Variants in SNTG1 observed in about 807,000 individuals in gnomAD.
The protein encoded by SNTG1 is gamma-1-syntrophin.
A neutral mutation model predicts 74.7 loss-of-function variants in SNTG1; 39 were observed. The ratio of observed to expected loss-of-function variants is 0.52; its 90% CI spans 0.40 to 0.68. The LOEUF (loss-of-function observed/expected upper bound fraction) is 0.68. Ranked by LOEUF, SNTG1 falls within the 30% of genes least tolerant of loss-of-function variation. The pLI is 0.00. For missense variants in SNTG1, 685 were observed against 609.5 expected, an observed-to-expected ratio of 1.12 and a Z score of -1.30; for synonymous variants, 254 against 217.1, an observed-to-expected ratio of 1.17 and a Z score of -1.49.
intron 2 of SNTG1, among the ~76,000 whole-genome samples, chr8:50,180,551 G>A (rs1421052665): frequency 6.6e-6 from 1 of 152,066 alleles, no homozygotes; most frequent in East Asian, 1.9e-4. Flanking sequence ...TTTATTCTAT[G>A]TGAATTTTAC....
intron 1 of SNTG1, among the ~76,000 whole-genome samples, chr8:50,100,528 C>G (rs1016511562): frequency 2.0e-5 from 3 of 151,960 alleles, no homozygotes; most frequent in Non-Finnish European, 2.9e-5. Context: ...CACTATGTAT[C>G]TGATAAATTT....
chr8:50,517,616 C>CAAA (rs1161724778), intron 9 of SNTG1, among the ~76,000 whole-genome samples: 1,034 of 62,274 alleles, frequency 0.017, 29 homozygotes, highest in East Asian at 0.05. Context: ...AAATGGAAAG[C>CAAA]AAAAAAAAAA....
intron 9 of SNTG1, among the ~76,000 whole-genome samples, chr8:50,529,002 A>G (rs892077829): frequency 6.6e-6 from 1 of 151,672 alleles, no homozygotes; most frequent in East Asian, 1.9e-4. Flanking sequence ...CATTAAGTTT[A>G]TACCTACCTT....
chr8:50,047,886 G>C (rs866599798), intron 1 of SNTG1, among the ~76,000 whole-genome samples: 6 of 152,120 alleles, frequency 3.9e-5, no homozygotes, highest in Non-Finnish European at 5.9e-5. Flanking sequence ...CAAATTTGGT[G>C]AATCCTGAGT....
intron 2 of SNTG1, among the ~76,000 whole-genome samples, chr8:50,268,178 T>G (rs1444276199): frequency 6.6e-6 from 1 of 152,142 alleles, no homozygotes; most frequent in East Asian, 1.9e-4. Context: ...ACAGGAAAAT[T>G]ATTTGGTAAA....
intron 15 of SNTG1, among the ~76,000 whole-genome samples, chr8:50,680,404 T>G (rs1490518638): frequency 6.6e-6 from 1 of 152,222 alleles, no homozygotes; most frequent in African/African-American, 2.4e-5. Context: ...TAGGGGCATA[T>G]AGCTGATGAA....
chr8:50,594,873 A>G (rs928418720), intron 13 of SNTG1, among the ~76,000 whole-genome samples: 1 of 152,144 alleles, frequency 6.6e-6, no homozygotes, highest in Non-Finnish European at 1.5e-5. Context: ...TAAGAACAGT[A>G]AGCTTTGTGG....
intron 1 of SNTG1, among the ~76,000 whole-genome samples, chr8:50,096,917 T>C (rs756670684): frequency 3.3e-5 from 5 of 152,282 alleles, no homozygotes; most frequent in South Asian, 2.1e-4. Context: ...AAAAGTAGCA[T>C]AATCACTGCA....
Position 50,383,611 on chromosome 8 carries a change from C to T in SNTG1, c.-27-10601C>T, listed in dbSNP as rs553097548. Among the ~76,000 whole-genome samples the T allele has an allele frequency of 2.0e-5, 3 of 152,242 alleles. No homozygotes were observed. In the South Asian group the frequency reaches 6.2e-4, roughly 32 times the overall value. The stretch of plus-strand genomic sequence containing the variant: ...ACTACCCATTCCTTATTCCTTGTGT[C>T]CTCAGCAAACACCTCAGCTGGTCAT... On this transcript the variant is annotated intron_variant, in intron 2 of 18. Transcript: ENST00000642720.
At chr8:50,563,821 A>G (rs2094501072) in intron 12 of SNTG1, among the ~76,000 whole-genome samples, 1 of 152,096 alleles carries the variant, frequency 6.6e-6, no homozygotes, top group East Asian at 1.9e-4. Context: ...ATCTAGCCCC[A>G]TTTCCTGCCC....
At chr8:50,525,327 C>T (rs2094211390) in intron 9 of SNTG1, among the ~76,000 whole-genome samples, 1 of 152,054 alleles carries the variant, frequency 6.6e-6, no homozygotes, top group Non-Finnish European at 1.5e-5. Context: ...TGACTTTTGA[C>T]AGTTTGATAA....
intron 18 of SNTG1, among the ~76,000 whole-genome samples, chr8:50,784,084 CATAACTACTGTAAA>C (rs1393064731): frequency 6.6e-6 from 1 of 152,184 alleles, no homozygotes; most frequent in African/African-American, 2.4e-5. Context: ...GTGGGCTCTT[CATAACTACTGTAAA>C]AGAGTAGGAG....
intron 8 of SNTG1, among the ~76,000 whole-genome samples, chr8:50,486,424 G>A (rs1427811682): frequency 2.9e-5 from 4 of 139,686 alleles, no homozygotes; most frequent in African/African-American, 8.0e-5. Flanking sequence ...GTGAATGGGA[G>A]TTCACTCATG....
intron 8 of SNTG1, among the ~76,000 whole-genome samples, chr8:50,470,806 G>C (rs895869690): frequency 3.9e-5 from 6 of 152,150 alleles, no homozygotes; most frequent in African/African-American, 1.4e-4. Context: ...AAAGAACAAA[G>C]CTTCCACAGA....
intron 1 of SNTG1, among the ~76,000 whole-genome samples, chr8:50,089,340 G>A (rs1399056999): frequency 6.7e-6 from 1 of 150,086 alleles, no homozygotes; most frequent in Non-Finnish European, 1.5e-5. Context: ...CAGGACATAG[G>A]CATGGGCAAG....
At position 50,668,220 on chromosome 8, in the gene SNTG1, C is replaced by T. The variant is rs543281869; in HGVS notation, c.1038+9557C>T. 6.6e-5 allele frequency among the ~76,000 whole-genome samples: 10 copies of T among 151,868 alleles called. No individual in the cohort carries two copies. The East Asian group carries it at 1.9e-3, about 30-fold the overall frequency. The stretch of plus-strand genomic sequence containing the variant: ...TTTTCTTGGTTTATTAATATTTTAT[C>T]ACATATCCTTTTGTGAAAGTGACTC... On this transcript the variant is annotated intron_variant, in intron 15 of 18. Coordinates refer to ENST00000642720, the MANE Select transcript of SNTG1 (RefSeq NM_018967.5).
intron 18 of SNTG1, among the ~76,000 whole-genome samples, chr8:50,779,423 C>T (rs958389370): frequency 1.3e-5 from 2 of 152,050 alleles, no homozygotes; most frequent in Non-Finnish European, 2.9e-5. Context: ...CTTCAAGTCC[C>T]TTATAAGGTG....
At chr8:50,147,374 G>A (rs922956343) in intron 1 of SNTG1, among the ~76,000 whole-genome samples, 3 of 152,144 alleles carry the variant, frequency 2.0e-5, no homozygotes, top group African/African-American at 7.2e-5. Context: ...TAACTGTTTT[G>A]ACTGGTAACT....
At chr8:50,474,216 T>C (rs1163719854) in intron 8 of SNTG1, among the ~76,000 whole-genome samples, 1 of 151,760 alleles carries the variant, frequency 6.6e-6, no homozygotes, top group Non-Finnish European at 1.5e-5. Flanking sequence ...CAACCCAAAA[T>C]TGACAAATGG....
Sources: allele counts gnomAD v4.1 joint callset (sites outside exome capture counted in the v4.1 genomes callset), GRCh38; gene constraint gnomAD v4.1.1; transcripts MANE v1.5; gene names NCBI Gene and HGNC (gene_info 2026-07-23, HGNC 2026-07-21).